ARSB: variants seen among roughly 807,000 people sequenced by gnomAD.
ARSB encodes N-acetylgalactosamine-4-sulfatase.
Under a neutral mutation model 50.9 loss-of-function variants are expected in ARSB, and 41 were observed. The ratio of observed to expected loss-of-function variants is 0.81; its 90% CI spans 0.63 to 1.04. ARSB has a LOEUF of 1.04. Ranked by LOEUF, ARSB falls within the 50% of genes least tolerant of loss-of-function variation. The probability of loss-of-function intolerance (pLI) is 0.00; values close to 1 mark genes in which losing one functional copy is unlikely to be tolerated. For missense variants in ARSB, 672 were observed against 693.3 expected (o/e 0.97, Z 0.35); for synonymous variants, 269 against 284.8 (o/e 0.94, Z 0.56).
At chr5:78,802,736 TCTC>T (rs1461239345) in intron 6 of ARSB, among the ~76,000 whole-genome samples, 1 of 152,202 alleles carries the variant, frequency 6.6e-6, no homozygotes, top group Non-Finnish European at 1.5e-5. Context: ...TCTAACCTGT[TCTC>T]CCCTTTGCAT....
At chr5:78,924,289 AT>A (rs1260955198) in intron 4 of ARSB, among the ~76,000 whole-genome samples, 1 of 152,200 alleles carries the variant, frequency 6.6e-6, no homozygotes, top group Non-Finnish European at 1.5e-5. Context: ...CAGAAAAGTA[AT>A]TTATCCATAT....
chr5:78,813,342 G>A (rs374611118), intron 6 of ARSB, among the ~76,000 whole-genome samples: 42 of 152,204 alleles, frequency 2.8e-4, no homozygotes, highest in African/African-American at 9.9e-4. Context: ...GAGTTTACAG[G>A]TGTGATCCAC....
Position 78,777,903 on chromosome 5 carries a change from A to G in ARSB, c.*2494T>C, listed in dbSNP as rs1038569234. 1 of 152,156 alleles carries G rather than the reference A, an allele frequency of 6.6e-6. No homozygotes were observed. Among genetic ancestry groups the G allele is most frequent in the African/African-American group, 2.4e-5 (1 of 41,432 alleles). 9.4% of individuals were successfully genotyped at this position (152,156 alleles called of 1,614,324 possible). A position where few individuals can be genotyped will look rare whatever the true frequency, so the allele number is the denominator to read the frequency against. Reference sequence around the variant, plus strand: ...AGAAATAACATTATTTCTAACAACAATATATCAATCTTTTCACATTCTTAT... The same window carrying G: ...AGAAATAACATTATTTCTAACAACAGTATATCAATCTTTTCACATTCTTAT... On this transcript the variant is annotated 3_prime_UTR_variant, in exon 8 of 8. Coordinates refer to ENST00000264914, the MANE Select transcript of ARSB (RefSeq NM_000046.5).
intron 6 of ARSB, among the ~76,000 whole-genome samples, chr5:78,830,824 C>A (rs548364887): frequency 6.6e-6 from 1 of 152,188 alleles, no homozygotes; most frequent in East Asian, 1.9e-4. Flanking sequence ...GAAAATTTGA[C>A]GAGCTGCTAA....
chr5:78,970,731 C>A (rs10462563), intron 1 of ARSB, among the ~76,000 whole-genome samples: 38,849 of 152,070 alleles, frequency 0.26, 5,105 homozygotes, highest in Middle Eastern at 0.35. Flanking sequence ...AGGCAGGAGG[C>A]TAGCTTGACT....
At chr5:78,858,301 A>G (rs1429937624) in intron 5 of ARSB, among the ~76,000 whole-genome samples, 5 of 152,214 alleles carry the variant, frequency 3.3e-5, no homozygotes, top group Non-Finnish European at 7.3e-5. Context: ...AAAGTAGTAT[A>G]TCATTGTCTC....
intron 6 of ARSB, among the ~76,000 whole-genome samples, chr5:78,807,115 G>A (rs563297967): frequency 4.6e-5 from 7 of 152,314 alleles, no homozygotes; most frequent in Non-Finnish European, 7.4e-5. Flanking sequence ...TTGGGAACAC[G>A]AGGGTGGTAG....
At chr5:78,806,640 G>C (rs1743576957) in intron 6 of ARSB, among the ~76,000 whole-genome samples, 1 of 152,210 alleles carries the variant, frequency 6.6e-6, no homozygotes, top group African/African-American at 2.4e-5. Flanking sequence ...CCCACGCACA[G>C]CACTCTACAT....
intron 6 of ARSB, among the ~76,000 whole-genome samples, chr5:78,829,900 G>GT (rs1342031781): frequency 1.3e-5 from 2 of 152,180 alleles, no homozygotes; most frequent in Non-Finnish European, 2.9e-5. Context: ...TTTACAGATG[G>GT]TAAGACTGGG....
intron 4 of ARSB, among the ~76,000 whole-genome samples, chr5:78,919,163 T>C (rs188621289): frequency 1.3e-5 from 2 of 152,336 alleles, no homozygotes; most frequent in Non-Finnish European, 2.9e-5. Flanking sequence ...TGTGACTTTA[T>C]ACAGCATGTT....
At chr5:78,863,843 C>T (rs768727791) in intron 5 of ARSB, among the ~76,000 whole-genome samples, 5 of 151,854 alleles carry the variant, frequency 3.3e-5, no homozygotes, top group African/African-American at 4.8e-5. Context: ...TTTCATAAAC[C>T]ATATCTATAA....
intron 4 of ARSB, among the ~76,000 whole-genome samples, chr5:78,888,891 A>C (rs529085999): frequency 6.6e-6 from 1 of 152,256 alleles, no homozygotes; most frequent in Non-Finnish European, 1.5e-5. Context: ...CGATTCTATC[A>C]ACAGTTATTC....
chr5:78,798,126 T>C (rs1276079923), intron 6 of ARSB, among the ~76,000 whole-genome samples: 1 of 152,162 alleles, frequency 6.6e-6, no homozygotes, highest in South Asian at 2.1e-4. Context: ...ATGGCCATAA[T>C]AAACATGAAC....
rs1043891605 is a variant in ARSB at position 78,885,523 on chromosome 5, A to G, written c.1142+61T>C. 9 of 1,596,566 alleles carry G rather than the reference A, an allele frequency of 5.6e-6. No homozygotes were observed. In the African/African-American group the frequency reaches 6.7e-5, roughly 12 times the overall value. On this transcript the variant is annotated intron_variant, in intron 5 of 7. Transcript: ENST00000264914. ...ACACAAAAGCTATCATTCTTGCTCA[A>G]TGGAGTCAGGCTGCTCTTGGAGTTT...
At chr5:78,823,177 G>A (rs1240937370) in intron 6 of ARSB, among the ~76,000 whole-genome samples, 1 of 152,092 alleles carries the variant, frequency 6.6e-6, no homozygotes. Flanking sequence ...TTTTATTTTT[G>A]GGAGGTGAGA....
At chr5:78,817,628 G>A (rs1312026180) in intron 6 of ARSB, among the ~76,000 whole-genome samples, 1 of 151,950 alleles carries the variant, frequency 6.6e-6, no homozygotes, top group Non-Finnish European at 1.5e-5. Context: ...GACCAATATG[G>A]TGAAACCACC....
chr5:78,984,957 G>C lies in ARSB; in HGVS notation c.292C>G (p.Leu98Val). The C allele has an allele frequency of 6.8e-7, 1 of 1,473,344 alleles. No individual in the cohort carries two copies. The highest frequency in any genetic ancestry group is 9.0e-7 in the Non-Finnish European group (1 of 1,111,132). 91.3% of individuals were successfully genotyped at this position (1,473,344 alleles called of 1,614,324 possible). The change falls in exon 1 of 8, where the codon CTG (leucine) becomes GTG (valine). Residue 98 changes from leucine (L) to valine (V), a missense_variant. Physicochemically the swap from Leu to Val is conservative, Grantham distance 32. Transcript: ENST00000264914. ...CGTACCTGGTAGCGGCCAGTGAGCAGCTGGCTCCGCGACGGCGTGCACAGC... is the reference window on the plus strand; with the variant it reads ...CGTACCTGGTAGCGGCCAGTGAGCACCTGGCTCCGCGACGGCGTGCACAGC... ...QPLCTPSRSQ[L>V]LTGRYQIRTG...
At chr5:78,949,753 T>C (rs1385881074) in intron 4 of ARSB, among the ~76,000 whole-genome samples, 1 of 151,904 alleles carries the variant, frequency 6.6e-6, no homozygotes, top group African/African-American at 2.4e-5. Flanking sequence ...CTCCTAAAAA[T>C]ACAAAAATTA....
chr5:78,881,109 G>A (rs2112192785), intron 5 of ARSB, among the ~76,000 whole-genome samples: 1 of 152,226 alleles, frequency 6.6e-6, no homozygotes, highest in East Asian at 1.9e-4. Context: ...ATGCATACCT[G>A]TAATTCCAAC....
Sources: allele counts gnomAD v4.1 joint callset (sites outside exome capture counted in the v4.1 genomes callset), GRCh38; gene constraint gnomAD v4.1.1; transcripts MANE v1.5; gene names NCBI Gene and HGNC (gene_info 2026-07-23, HGNC 2026-07-21).